The following CENPW variants were observed in gnomAD, a reference collection of about 807,000 sequenced individuals.
The protein encoded by CENPW is centromere protein W, also known as cancer-up-regulated gene 2 protein.
CENPW carries 3 observed loss-of-function variants against 11.1 expected under a neutral mutation model. The ratio of observed to expected loss-of-function variants is 0.27; its 90% confidence interval spans 0.12 to 0.70. The LOEUF is 0.70. CENPW is among the 30% of genes least tolerant of loss of function. The pLI is 0.77. For synonymous variants in CENPW, 38 were observed against 42.0 expected (o/e 0.91, Z 0.37); for missense variants, 100 against 105.6 (o/e 0.95, Z 0.23).
chr6:126,475,417 T>G, the CENPW span, among the ~76,000 whole-genome samples: 55 of 152,104 alleles, frequency 3.6e-4, no homozygotes, highest in Middle Eastern at 3.4e-3. Flanking sequence ...TTAAAAAAAA[T>G]TTTTAAATAA....
chr6:126,441,163 C>A, the CENPW span, among the ~76,000 whole-genome samples: 2 of 151,320 alleles, frequency 1.3e-5, no homozygotes, highest in African/African-American at 4.8e-5. Context: ...AGCTGGCAAT[C>A]CTGATAGTGG....
chr6:126,357,547 C>T, the CENPW span, among the ~76,000 whole-genome samples: 1 of 151,878 alleles, frequency 6.6e-6, no homozygotes, highest in African/African-American at 2.4e-5. Flanking sequence ...CTTCTATGAG[C>T]ATGGAACATT....
At chr6:126,451,616 G>C in the CENPW span, among the ~76,000 whole-genome samples, 77 of 151,200 alleles carry the variant, frequency 5.1e-4, no homozygotes, top group African/African-American at 1.7e-3. Flanking sequence ...CCTGCAAGGA[G>C]ACTAAATTTG....
chr6:126,470,429 A>G, the CENPW span, among the ~76,000 whole-genome samples: 1 of 152,210 alleles, frequency 6.6e-6, no homozygotes, highest in East Asian at 1.9e-4. Flanking sequence ...GATGTATGGA[A>G]ATGCCTAGAT....
chr6:126,424,244 G>T, the CENPW span, among the ~76,000 whole-genome samples: 2 of 152,132 alleles, frequency 1.3e-5, no homozygotes, highest in East Asian at 3.9e-4. Context: ...CACACACAGA[G>T]AAACTGAATT....
the CENPW span, among the ~76,000 whole-genome samples, chr6:126,402,717 C>A: frequency 6.6e-6 from 1 of 151,970 alleles, no homozygotes; most frequent in African/African-American, 2.4e-5. Flanking sequence ...GAATAATATT[C>A]TATTGTATGG....
At chr6:126,401,095 C>A in the CENPW span, among the ~76,000 whole-genome samples, 1 of 151,764 alleles carries the variant, frequency 6.6e-6, no homozygotes, top group South Asian at 2.1e-4. Flanking sequence ...TTTTTTTGTC[C>A]CCCAATTTTT....
the CENPW span, among the ~76,000 whole-genome samples, chr6:126,476,633 G>A: frequency 4.0e-5 from 6 of 151,880 alleles, no homozygotes. Context: ...ATTCTGATAC[G>A]GGATTGTAAG....
the CENPW span, among the ~76,000 whole-genome samples, chr6:126,463,138 A>G: frequency 6.6e-6 from 1 of 151,974 alleles, no homozygotes; most frequent in Non-Finnish European, 1.5e-5. Context: ...TTCCTCTCTT[A>G]TGTTAAATTA....
At chr6:126,382,499 T>C in the CENPW span, among the ~76,000 whole-genome samples, 1 of 151,988 alleles carries the variant, frequency 6.6e-6, no homozygotes, top group Non-Finnish European at 1.5e-5. Flanking sequence ...CAAAGATCAT[T>C]GAAACTTAGG....
intron 1 of CENPW, among the ~76,000 whole-genome samples, chr6:126,344,040 T>G (rs1034673277): frequency 3.3e-5 from 5 of 152,144 alleles, no homozygotes; most frequent in Non-Finnish European, 7.3e-5. Flanking sequence ...AAAAATTTTT[T>G]TGCCTTATCT....
At chr6:126,457,368 A>G in the CENPW span, among the ~76,000 whole-genome samples, 1 of 151,610 alleles carries the variant, frequency 6.6e-6, no homozygotes, top group Admixed American at 6.6e-5. Context: ...ACACCATAGA[A>G]TACTATGCAG....
At chr6:126,371,722 G>C in the CENPW span, among the ~76,000 whole-genome samples, 1 of 151,896 alleles carries the variant, frequency 6.6e-6, no homozygotes, top group African/African-American at 2.4e-5. Flanking sequence ...GGCTTTTTTT[G>C]TTGGTATTTT....
the CENPW span, among the ~76,000 whole-genome samples, chr6:126,378,929 A>T: frequency 6.6e-6 from 1 of 152,222 alleles, no homozygotes; most frequent in African/African-American, 2.4e-5. Flanking sequence ...TAGAAATTTA[A>T]AGAATTTAAC....
At chr6:126,388,575 G>A in the CENPW span, among the ~76,000 whole-genome samples, 13 of 152,020 alleles carry the variant, frequency 8.6e-5, no homozygotes, top group African/African-American at 2.9e-4. Flanking sequence ...ATGTTTGGGT[G>A]GAGTATTTAT....
chr6:126,447,894 T>C, the CENPW span, among the ~76,000 whole-genome samples: 1 of 151,320 alleles, frequency 6.6e-6, no homozygotes, highest in East Asian at 1.9e-4. Context: ...CTCCATTCAC[T>C]GTTCCACTTC....
At chr6:126,361,718 T>C in the CENPW span, among the ~76,000 whole-genome samples, 2 of 152,176 alleles carry the variant, frequency 1.3e-5, no homozygotes, top group African/African-American at 4.8e-5. Flanking sequence ...CATTTTTCTT[T>C]TGTTGAGTGT....
At chr6:126,393,722 T>C in the CENPW span, among the ~76,000 whole-genome samples, 1 of 149,726 alleles carries the variant, frequency 6.7e-6, no homozygotes, top group African/African-American at 2.4e-5. Flanking sequence ...GAGAGTGATT[T>C]ATATATATAA....
chr6:126,351,558 T>G (rs1002441706), downstream of CENPW, among the ~76,000 whole-genome samples: 1 of 152,098 alleles, frequency 6.6e-6, no homozygotes, highest in Admixed American at 6.6e-5. Context: ...AAGATGTGTT[T>G]ATTAGATTAA....
Sources: allele counts gnomAD v4.1 joint callset (sites outside exome capture counted in the v4.1 genomes callset), GRCh38; gene constraint gnomAD v4.1.1; transcripts MANE v1.5; gene names NCBI Gene and HGNC (gene_info 2026-07-23, HGNC 2026-07-21).